The following PRKCE variants were observed in gnomAD, a reference collection of about 807,000 sequenced individuals.
PRKCE encodes the protein protein kinase C epsilon.
A neutral mutation model predicts 85.4 loss-of-function variants in PRKCE; 16 were observed. The ratio of observed to expected loss-of-function variants is 0.19; its 90% CI spans 0.13 to 0.28. The LOEUF is 0.28. PRKCE is among the 10% of genes least tolerant of loss of function. The probability of loss-of-function intolerance (pLI) is 1.00; values close to 1 mark genes in which losing one functional copy is unlikely to be tolerated. For synonymous variants in PRKCE, 388 were observed against 371.5 expected, an observed-to-expected ratio of 1.04 and a Z score of -0.51; for missense variants, 573 against 975.2, an observed-to-expected ratio of 0.59 and a Z score of 5.49.
At chr2:46,072,131 T>C (rs557595994) in intron 10 of PRKCE, among the ~76,000 whole-genome samples, 40 of 152,356 alleles carry the variant, frequency 2.6e-4, no homozygotes, top group Middle Eastern at 3.4e-3. Context: ...TCAAAGAATT[T>C]AATAATTTAA....
chr2:46,102,508 CATT>C, intron 11 of PRKCE, among the ~76,000 whole-genome samples: 1 of 152,320 alleles, frequency 6.6e-6, no homozygotes, highest in South Asian at 2.1e-4. Context: ...AATACTGACA[CATT>C]ATTATTAACT....
intron 14 of PRKCE, among the ~76,000 whole-genome samples, chr2:46,177,934 A>G (rs780872358): frequency 6.6e-6 from 1 of 152,206 alleles, no homozygotes; most frequent in Non-Finnish European, 1.5e-5. Flanking sequence ...GGAACTGAGC[A>G]GTCACTTCTG....
At chr2:45,808,212 T>C (rs1688392041) in intron 1 of PRKCE, among the ~76,000 whole-genome samples, 1 of 152,162 alleles carries the variant, frequency 6.6e-6, no homozygotes, top group Non-Finnish European at 1.5e-5. Context: ...ACCAGTTCTT[T>C]GCTTCCCCTT....
Position 46,145,508 on chromosome 2 carries a change from C to T in PRKCE, c.1731+277C>T, listed in dbSNP as rs915732562. On this transcript the variant is annotated intron_variant, in intron 12 of 14. Transcript: ENST00000306156. The surrounding 1 kb of genome is among the most constrained non-coding windows in gnomAD (Gnocchi z 4.6). The stretch of plus-strand genomic sequence containing the variant: ...TGAACATCTCTTTCCCATCCTAGTC[C>T]AGAACCACCAATAAATCTAGGACCA... Among the ~76,000 whole-genome samples, 6 of 152,172 alleles carry T rather than the reference C, an allele frequency of 3.9e-5. No individual in the cohort carries two copies. Among genetic ancestry groups the T allele is most frequent in the African/African-American group, 1.2e-4 (5 of 41,424 alleles).
intron 2 of PRKCE, among the ~76,000 whole-genome samples, chr2:45,953,812 G>A (rs1203779275): frequency 6.6e-6 from 1 of 152,198 alleles, no homozygotes; most frequent in African/African-American, 2.4e-5. Context: ...CTCCAGGTGA[G>A]TTTAACCTGC....
At chr2:45,703,067 A>G (rs1293569309) in intron 1 of PRKCE, among the ~76,000 whole-genome samples, 1 of 148,542 alleles carries the variant, frequency 6.7e-6, no homozygotes, top group Non-Finnish European at 1.5e-5. Context: ...TAAAAGTTGT[A>G]AAATTTAGCT....
chr2:46,113,197 T>C (rs2104249133), intron 11 of PRKCE, among the ~76,000 whole-genome samples: 1 of 152,358 alleles, frequency 6.6e-6, no homozygotes, highest in South Asian at 2.1e-4. Context: ...TTACCCTAAA[T>C]ACATAGTTCT....
chr2:45,863,628 G>A (rs1253243132), intron 2 of PRKCE, among the ~76,000 whole-genome samples: 1 of 152,124 alleles, frequency 6.6e-6, no homozygotes, highest in Non-Finnish European at 1.5e-5. Flanking sequence ...CGTTTAAGCA[G>A]AGTAAGTGCA....
intron 2 of PRKCE, among the ~76,000 whole-genome samples, chr2:45,940,264 T>G (rs1412252889): frequency 6.6e-6 from 1 of 152,134 alleles, no homozygotes; most frequent in Non-Finnish European, 1.5e-5. Flanking sequence ...AGCTGTGGCT[T>G]CAAGGAGTGG....
rs3222422 is a variant in PRKCE, at chr2:46,038,651, T to TCACACACA, written c.1437+28179_1437+28186dup. Among the ~76,000 whole-genome samples the TCACACACA allele has an allele frequency of 3.7e-3, 478 of 128,708 alleles. 3 individuals carry two copies. Among genetic ancestry groups the TCACACACA allele is most frequent in the Admixed American group, 0.012 (153 of 12,636 alleles). 84.4% of individuals were successfully genotyped at this position (128,708 alleles called of 152,430 possible). ...ATGGAATTAAGGCATAGTAACAACT[T>TCACACACA]CACACACACACACACACACACACAC... On this transcript the variant is annotated intron_variant, in intron 10 of 14. Coordinates refer to ENST00000306156, the MANE Select transcript of PRKCE (RefSeq NM_005400.3).
At chr2:45,986,507 A>G (rs1003934251) in intron 6 of PRKCE, among the ~76,000 whole-genome samples, 4 of 152,166 alleles carry the variant, frequency 2.6e-5, no homozygotes, top group African/African-American at 7.2e-5. Context: ...CTGGGTGCAG[A>G]TGCATCTCGG....
chr2:45,891,088 T>C (rs1473256937), intron 2 of PRKCE, among the ~76,000 whole-genome samples: 1 of 152,174 alleles, frequency 6.6e-6, no homozygotes, highest in East Asian at 1.9e-4. Context: ...ATATTGTGGT[T>C]AGTCAGTTGT....
intron 1 of PRKCE, among the ~76,000 whole-genome samples, chr2:45,741,121 G>A (rs997083517): frequency 6.6e-6 from 1 of 152,198 alleles, no homozygotes; most frequent in Non-Finnish European, 1.5e-5. Context: ...TTTGAATGCT[G>A]GCTTCGGGGA....
At chr2:45,807,502 A>G (rs1239175688) in intron 1 of PRKCE, among the ~76,000 whole-genome samples, 1 of 152,234 alleles carries the variant, frequency 6.6e-6, no homozygotes, top group Non-Finnish European at 1.5e-5. Context: ...CCAAAACTAG[A>G]AAACAGCAAA....
At chr2:45,876,049 G>A (rs1323790890) in intron 2 of PRKCE, among the ~76,000 whole-genome samples, 1 of 152,146 alleles carries the variant, frequency 6.6e-6, no homozygotes, top group Non-Finnish European at 1.5e-5. Flanking sequence ...CCAGATTTTG[G>A]TCTCTCCATC....
chr2:46,085,321 C>T (rs1406925561), intron 10 of PRKCE, among the ~76,000 whole-genome samples: 4 of 152,170 alleles, frequency 2.6e-5, no homozygotes, highest in Admixed American at 6.5e-5. Flanking sequence ...CCTCACAGTG[C>T]ATGGGGGTTC....
intron 13 of PRKCE, among the ~76,000 whole-genome samples, chr2:46,156,445 T>C (rs990272135): frequency 6.6e-6 from 1 of 152,218 alleles, no homozygotes; most frequent in African/African-American, 2.4e-5. Context: ...CTCTTCTACA[T>C]GCCCCGTGAG....
chr2:46,135,909 C>T (rs537208092), intron 11 of PRKCE, among the ~76,000 whole-genome samples: 4 of 151,466 alleles, frequency 2.6e-5, no homozygotes, highest in African/African-American at 9.7e-5. Flanking sequence ...CAGTCATCAA[C>T]ATTTGCCACA....
At chr2:45,868,319 C>CAAAAAA (rs371501864) in intron 2 of PRKCE, among the ~76,000 whole-genome samples, 9 of 35,986 alleles carry the variant, frequency 2.5e-4, no homozygotes, top group African/African-American at 7.6e-4. Flanking sequence ...CTTTCCTGTC[C>CAAAAAA]AAAAAAAAAA....
Sources: gnomAD v4.1 joint callset for allele counts (sites outside exome capture counted in the v4.1 genomes callset) on GRCh38, gnomAD v4.1.1 for gene constraint, Gnocchi (gnomAD v3.1) non-coding constraint, MANE v1.5 for transcripts, NCBI Gene and HGNC (gene_info 2026-07-23, HGNC 2026-07-21) for gene names.